MFN2: variants seen among roughly 807,000 people sequenced by gnomAD.
MFN2 encodes mitofusin-2.
Under a neutral mutation model 87.5 loss-of-function variants are expected in MFN2, and 43 were observed. That is an observed-to-expected ratio of 0.49 (90% CI 0.38 to 0.63). The LOEUF (loss-of-function observed/expected upper bound fraction) is 0.63, where lower values mean the gene tolerates loss of function less well. Ranked by LOEUF, MFN2 falls within the 30% of genes least tolerant of loss-of-function variation. MFN2 has a pLI of 0.00. For synonymous variants in MFN2, 337 were observed against 359.9 expected (o/e 0.94, Z 0.72); for missense variants, 743 against 972.8 (o/e 0.76, Z 3.14).
chr1:11,996,779 T>C (rs1173937672), intron 5 of MFN2, among the ~76,000 whole-genome samples: 1 of 152,166 alleles, frequency 6.6e-6, no homozygotes, highest in Non-Finnish European at 1.5e-5. Context: ...GGCTCACGCC[T>C]GTAATCCCAG....
Position 11,998,685 on chromosome 1 carries a change from C to T in MFN2, c.600-85C>T, listed in dbSNP as rs142128287. On this transcript the variant is annotated intron_variant, in intron 6 of 18. Transcript: ENST00000235329. ...GGCTTTCTCCTCCATGACCTGCCTG[C>T]CTCACAAGTCCCAGGTCTGTTCTCA... 1,665 of 1,239,384 alleles carry T rather than the reference C, an allele frequency of 1.3e-3. 24 individuals carry two copies. In the East Asian group the frequency reaches 0.03, roughly 22 times the overall value. The allele number at this position is 1,239,384 out of a possible 1,614,324, so 76.8% of individuals were successfully genotyped here.
chr1:11,990,264 A>G (rs1170549090), intron 3 of MFN2, among the ~76,000 whole-genome samples: 1 of 152,220 alleles, frequency 6.6e-6, no homozygotes, highest in African/African-American at 2.4e-5. Context: ...GTCCAACTTC[A>G]TGCCCTCATC....
intron 17 of MFN2, among the ~76,000 whole-genome samples, chr1:12,008,856 C>T (rs1034031949): frequency 8.5e-5 from 13 of 152,340 alleles, no homozygotes; most frequent in East Asian, 7.7e-4. Flanking sequence ...CCAAGGCAGG[C>T]GGCTGGGAGG....
chr1:11,990,397 G>A (rs1386353011), intron 3 of MFN2, among the ~76,000 whole-genome samples: 3 of 152,174 alleles, frequency 2.0e-5, no homozygotes, highest in Admixed American at 6.5e-5. Flanking sequence ...CCAACTCATT[G>A]CCTGTTTATC....
In MFN2 at chr1:11,984,450, A is replaced by G. The variant is rs1638304117; in HGVS notation, c.-5+2336A>G. Reference sequence around the variant, plus strand: ...GCTGCCTTTAGCTCTTACTGTAGTGAAGCATGTTGCTTGCGTCATCAACTT... The same window carrying G: ...GCTGCCTTTAGCTCTTACTGTAGTGGAGCATGTTGCTTGCGTCATCAACTT... On this transcript the variant is annotated intron_variant, in intron 2 of 18. Coordinates refer to ENST00000235329, the MANE Select transcript of MFN2 (RefSeq NM_014874.4). 4.6e-5 allele frequency among the ~76,000 whole-genome samples: 7 copies of G among 152,192 alleles called. No homozygotes were observed. In the South Asian group the frequency reaches 1.2e-3, roughly 27 times the overall value.
Position 12,001,544 on chromosome 1 carries a change from G to A in MFN2, c.960G>A (p.Met320Ile). 6.2e-7 allele frequency: 1 copy of A among 1,614,226 alleles called. No homozygotes were observed. The highest frequency in any genetic ancestry group is 1.1e-5 in the South Asian group (1 of 91,088). Reference protein sequence around the residue: ...LNARIQKAQGMPEGGGALAEG... With the variant: ...LNARIQKAQGIPEGGGALAEG... ...CCAGGATTCAGAAAGCCCAGGGCAT[G>A]CCTGAAGGAGGTAATGATGAGAACA... The change falls in exon 9 of 19, where the codon ATG becomes ATA. Residue 320 changes from methionine to isoleucine, a missense_variant. Physicochemically the swap from Met to Ile is conservative, Grantham distance 10 (BLOSUM62 1). Coordinates refer to ENST00000235329, the MANE Select transcript of MFN2 (RefSeq NM_014874.4).
At position 12,002,056 on chromosome 1, in the gene MFN2, G is replaced by T. The variant is rs766570486; in HGVS notation, c.1113G>T (p.Ala371=). ...TCCGGGCCAAGCAGATTGCAGAGGC[G>T]GTTCGACTCATCATGGACTCCCTGC... The part of the protein sequence containing the change: ...HTVRAKQIAE[A]VRLIMDSLHM... The change falls in exon 11 of 19, where the codon GCG becomes GCT. Residue 371 remains alanine, a synonymous_variant. Transcript: ENST00000235329. 1.2e-6 allele frequency: 2 copies of T among 1,614,218 alleles called. No individual in the cohort carries two copies. Among genetic ancestry groups the T allele is most frequent in the African/African-American group, 1.3e-5 (1 of 75,060 alleles).
rs1639330340 is a variant in MFN2, at chr1:12,004,803, A to G, written c.1393-22A>G. The G allele has an allele frequency of 6.2e-7, 1 of 1,610,548 alleles. No individual in the cohort carries two copies. Among genetic ancestry groups the G allele is most frequent in the African/African-American group, 1.3e-5 (1 of 74,956 alleles). On this transcript the variant is annotated intron_variant, in intron 13 of 18. Coordinates refer to ENST00000235329, the MANE Select transcript of MFN2 (RefSeq NM_014874.4). The surrounding 1 kb of genome is among the most constrained non-coding windows in gnomAD (Gnocchi z 4.2). ...GAATTTTGATGGACATGCTTCTCTT[A>G]ACTTCCCTCTTCTGGTGGCAGGAGC...
rs1400829159 is a variant in MFN2, at chr1:12,008,567, C to T, written c.2070-1025C>T. Among the ~76,000 whole-genome samples, 12 of 150,628 alleles carry T rather than the reference C, an allele frequency of 8.0e-5. No homozygotes were observed. In the South Asian group the frequency reaches 1.3e-3, roughly 16 times the overall value. ...GCGGAGGGGCTCCTCACTTCTCAGA[C>T]GGGGCGGCTGCCGGGCAGAGACGCT... is the stretch of plus-strand genomic sequence containing the variant. On this transcript the variant is annotated intron_variant, in intron 17 of 18. Coordinates refer to ENST00000235329, the MANE Select transcript of MFN2 (RefSeq NM_014874.4).
At chr1:11,993,532 G>A (rs952460621) in intron 4 of MFN2, among the ~76,000 whole-genome samples, 1 of 151,986 alleles carries the variant, frequency 6.6e-6, no homozygotes, top group East Asian at 1.9e-4. Flanking sequence ...TCAGGAGATC[G>A]AGACCATCCT....
intron 3 of MFN2, among the ~76,000 whole-genome samples, chr1:11,992,113 G>A (rs530010067): frequency 1.3e-5 from 2 of 152,150 alleles, no homozygotes; most frequent in Admixed American, 6.5e-5. Context: ...CATGTGGTAA[G>A]AACTTCGTAA....
chr1:11,990,531 A>T (rs1039535230), intron 3 of MFN2, among the ~76,000 whole-genome samples: 3 of 152,178 alleles, frequency 2.0e-5, no homozygotes, highest in African/African-American at 7.2e-5. Context: ...TACTCAGATG[A>T]TGTGGTGGAC....
At chr1:11,990,666 G>A (rs1638637204) in intron 3 of MFN2, among the ~76,000 whole-genome samples, 1 of 152,156 alleles carries the variant, frequency 6.6e-6, no homozygotes, top group South Asian at 2.1e-4. Context: ...AGCTGTGCTG[G>A]GTCAGGGAAA....
At chr1:11,985,783 A>G (rs115196921) in intron 2 of MFN2, among the ~76,000 whole-genome samples, 2,286 of 152,034 alleles carry the variant, frequency 0.015, 57 homozygotes, top group African/African-American at 0.051. Context: ...TCCCTTTTCT[A>G]TTCCTTTTGG....
chr1:12,008,837 T>C (rs1345448683), intron 17 of MFN2, among the ~76,000 whole-genome samples: 1 of 152,172 alleles, frequency 6.6e-6, no homozygotes, highest in Non-Finnish European at 1.5e-5. Flanking sequence ...ATCTCGGCAC[T>C]TTGGGAGGCC....
intron 2 of MFN2, among the ~76,000 whole-genome samples, chr1:11,988,795 G>A (rs1308805332): frequency 6.6e-6 from 1 of 152,006 alleles, no homozygotes; most frequent in Non-Finnish European, 1.5e-5. Context: ...CCATCTCCCA[G>A]GTTCAAGTGA....
Position 11,997,432 on chromosome 1 carries a change from G to A in MFN2, c.599+11G>A. 6.2e-7 allele frequency: 1 copy of A among 1,613,414 alleles called. No individual in the cohort carries two copies. The highest frequency in any genetic ancestry group is 8.5e-7 in the Non-Finnish European group (1 of 1,179,634). ...CGTTTTGATGGACAGGTAAGAGGGAGGTGCCCTCCTAGGAGGTCCAAACTG... is the reference window on the plus strand; with the variant it reads ...CGTTTTGATGGACAGGTAAGAGGGAAGTGCCCTCCTAGGAGGTCCAAACTG... On this transcript the variant is annotated intron_variant, in intron 6 of 18. Coordinates refer to ENST00000235329, the MANE Select transcript of MFN2 (RefSeq NM_014874.4).
chr1:12,001,564 A>T lies in MFN2; in HGVS notation c.970+10A>T. 1 of 1,614,176 alleles carries T rather than the reference A, an allele frequency of 6.2e-7. No homozygotes were observed. On this transcript the variant is annotated intron_variant, in intron 9 of 18. Coordinates refer to ENST00000235329, the MANE Select transcript of MFN2 (RefSeq NM_014874.4). ...GGCATGCCTGAAGGAGGTAATGATG[A>T]GAACAGATGTCCTCCTTTTCTCTGA...
chr1:11,997,435 G>A lies in MFN2; in HGVS notation c.599+14G>A. On this transcript the variant is annotated intron_variant, in intron 6 of 18. Coordinates refer to ENST00000235329, the MANE Select transcript of MFN2 (RefSeq NM_014874.4). ...TTTGATGGACAGGTAAGAGGGAGGT[G>A]CCCTCCTAGGAGGTCCAAACTGGAA... The A allele has an allele frequency of 6.2e-7, 1 of 1,613,346 alleles. No homozygotes were observed. Among genetic ancestry groups the A allele is most frequent in the Non-Finnish European group, 8.5e-7 (1 of 1,179,586 alleles).
Sources: allele counts gnomAD v4.1 joint callset (sites outside exome capture counted in the v4.1 genomes callset), GRCh38; gene constraint gnomAD v4.1.1; non-coding constraint Gnocchi (gnomAD v3.1); transcripts MANE v1.5; gene names NCBI Gene and HGNC (gene_info 2026-07-23, HGNC 2026-07-21).